Variants in WRAP53 observed in about 807,000 individuals in gnomAD.
WRAP53 encodes WD repeat containing antisense to TP53, also known as telomerase Cajal body protein 1.
Under a neutral mutation model 56.6 loss-of-function variants are expected in WRAP53, and 28 were observed. That is an observed-to-expected ratio of 0.50 (90% CI 0.37 to 0.68). The LOEUF is 0.68. Among genes scored for constraint, WRAP53 ranks in the 30% least tolerant of loss-of-function variants. The probability of loss-of-function intolerance (pLI) is 0.00; values close to 1 mark genes in which losing one functional copy is unlikely to be tolerated. For synonymous variants in WRAP53, 283 were observed against 283.4 expected (o/e 1.00, Z 0.01); for missense variants, 671 against 715.5 (o/e 0.94, Z 0.71).
In WRAP53 at chr17:7,703,035, C is replaced by T; in HGVS notation, c.1311C>T (p.Val437=). The T allele has an allele frequency of 1.2e-6, 2 of 1,614,080 alleles. No homozygotes were observed. The highest frequency in any genetic ancestry group is 1.7e-6 in the Non-Finnish European group (2 of 1,180,000). ...FLVSGSTSGA[V]SVWDTDGPGN... ...TGAGTGGCAGCACGAGCGGGGCTGT[C>T]TCTGTGTGGGACACGGACGGGCCTG... The change falls in exon 10 of 11, where the codon GTC becomes GTT. Residue 437 remains valine (V), a synonymous_variant. Transcript: ENST00000396463.
chr17:7,687,593 G>T, upstream of WRAP53: 2 of 398,850 alleles, frequency 5.0e-6, no homozygotes, highest in South Asian at 2.6e-4. Context: ...CAGTCGCCAT[G>T]ACAAGTAAGG....
rs1361029408 is a variant in WRAP53 at position 7,703,485 on chromosome 17, A to G, written c.1646A>G (p.Ter549=). 2.5e-6 allele frequency: 4 copies of G among 1,603,410 alleles called. No homozygotes were observed. Among genetic ancestry groups the G allele is most frequent in the Admixed American group, 1.7e-5 (1 of 59,534 alleles). Reference sequence around the variant, plus strand: ...GAGGGAGGTGTGGGTGAGCTGATATAAAAAGGTTTTTATGATACTAGAGTC... The same window carrying G: ...GAGGGAGGTGTGGGTGAGCTGATATGAAAAGGTTTTTATGATACTAGAGTC... ...GTEGGVGELI[*] The change falls in exon 11 of 11, where the codon TAA becomes TGA. Residue 549 remains the stop codon, a stop_retained_variant. Coordinates refer to ENST00000396463, the MANE Select transcript of WRAP53 (RefSeq NM_001143992.2).
chr17:7,701,386 T>C lies in WRAP53; in HGVS notation c.732-73T>C, dbSNP rs1567578924. The C allele has an allele frequency of 1.3e-6, 2 of 1,542,260 alleles. No homozygotes were observed. Among genetic ancestry groups the C allele is most frequent in the Non-Finnish European group, 1.8e-6 (2 of 1,114,834 alleles). On this transcript the variant is annotated intron_variant, in intron 5 of 10. Coordinates refer to ENST00000396463, the MANE Select transcript of WRAP53 (RefSeq NM_001143992.2). This position sits in a 1 kb window ranked among gnomAD's most constrained non-coding sequence, Gnocchi z 4.2. ...TCCCAAAGTGCTGGGATTACAGGCA[T>C]GAGCCACTGTGCCCGGCCATTCCTC...
In WRAP53 at chr17:7,702,006, T is replaced by C. The variant is rs1474212599; in HGVS notation, c.955+217T>C. 5 of 785,270 alleles carry C rather than the reference T, an allele frequency of 6.4e-6. No homozygotes were observed. Among genetic ancestry groups the C allele is most frequent in the Admixed American group, 4.0e-5 (2 of 50,030 alleles). 48.6% of individuals were successfully genotyped at this position (785,270 alleles called of 1,614,324 possible). A position where few individuals can be genotyped will look rare whatever the true frequency, so the allele number is the denominator to read the frequency against. ...GCTGGTCAAAGGACTGCTTCCTTCC[T>C]GAACTCATACCCTGTCAGCTGTGGA... On this transcript the variant is annotated intron_variant, in intron 7 of 10. Transcript: ENST00000396463. The surrounding 1 kb of genome is among the most constrained non-coding windows in gnomAD (Gnocchi z 5.0).
At chr17:7,690,031 C>T (rs943437356) in intron 4 of WRAP53, among the ~76,000 whole-genome samples, 1 of 151,408 alleles carries the variant, frequency 6.6e-6, no homozygotes, top group African/African-American at 2.4e-5. Flanking sequence ...TCACTGCAAC[C>T]TCTGCCTCCC....
chr17:7,694,779 G>T (rs909796203), intron 4 of WRAP53, among the ~76,000 whole-genome samples: 8 of 151,690 alleles, frequency 5.3e-5, no homozygotes, highest in African/African-American at 1.9e-4. Flanking sequence ...CATGACCTTT[G>T]ATTGCACCAT....
Position 7,698,345 on chromosome 17 carries a change from A to G in WRAP53, c.643-2396A>G, listed in dbSNP as rs181401361. ...TGAATATATTCATGAGTAGAGTACT[A>G]TACACCAGTGAAAATGCATGAATTA... On this transcript the variant is annotated intron_variant, in intron 4 of 10. Transcript: ENST00000396463. Among the ~76,000 whole-genome samples the G allele has an allele frequency of 2.1e-3, 313 of 152,332 alleles. 2 individuals carry two copies. Among genetic ancestry groups the G allele is most frequent in the African/African-American group, 7.1e-3 (294 of 41,568 alleles).
chr17:7,694,606 C>T (rs1251695009), intron 4 of WRAP53, among the ~76,000 whole-genome samples: 1 of 152,096 alleles, frequency 6.6e-6, no homozygotes, highest in Non-Finnish European at 1.5e-5. Flanking sequence ...AATCCCAGCA[C>T]TTTGGGAGAC....
chr17:7,686,499 C>T (rs928458227), upstream of WRAP53: 1 of 152,192 alleles, frequency 6.6e-6, no homozygotes, highest in African/African-American at 2.4e-5. Flanking sequence ...ATACCCCTGC[C>T]TTTGCAAAGG....
chr17:7,690,873 C>T (rs71371809), intron 4 of WRAP53, among the ~76,000 whole-genome samples: 8,305 of 152,114 alleles, frequency 0.055, 485 homozygotes, highest in East Asian at 0.17. Flanking sequence ...AATTGTACCA[C>T]TGCACTCCAG....
rs1434027155 is a variant in WRAP53, at chr17:7,701,910, G to A, written c.955+121G>A. 1 of 1,493,910 alleles carries A rather than the reference G, an allele frequency of 6.7e-7. No individual in the cohort carries two copies. The highest frequency in any genetic ancestry group is 9.0e-7 in the Non-Finnish European group (1 of 1,106,326). The allele number at this position is 1,493,910 out of a possible 1,614,324, so 92.5% of individuals were successfully genotyped here. On this transcript the variant is annotated intron_variant, in intron 7 of 10. Transcript: ENST00000396463. The surrounding 1 kb of genome is among the most constrained non-coding windows in gnomAD (Gnocchi z 4.2). Reference sequence around the variant, plus strand: ...CGCCGTCCTCTGTACGGCCCCGGGAGCAGGTGCAGCCCAGTCGGCAGAGGA... The same window carrying A: ...CGCCGTCCTCTGTACGGCCCCGGGAACAGGTGCAGCCCAGTCGGCAGAGGA...
In WRAP53 at chr17:7,702,491, G is replaced by A; in HGVS notation, c.1103G>A (p.Gly368Glu). 1 of 1,613,692 alleles carries A rather than the reference G, an allele frequency of 6.2e-7. No homozygotes were observed. Among genetic ancestry groups the A allele is most frequent in the Non-Finnish European group, 8.5e-7 (1 of 1,180,020 alleles). ...SPLALLGGHQ[G>E]GITHLCFHPD... Reference sequence around the variant, plus strand: ...CTCGCCTTGCTGGGAGGGCACCAAGGGGGCATCACCCACCTCTGCTTTCAT... The same window carrying A: ...CTCGCCTTGCTGGGAGGGCACCAAGAGGGCATCACCCACCTCTGCTTTCAT... The change falls in exon 8 of 11, where the codon GGG becomes GAG. Residue 368 changes from glycine to glutamate, a missense_variant. This residue lies in a region of WRAP53 where 158 missense variants were observed against 215.7 expected (regional missense o/e 0.73). Coordinates refer to ENST00000396463, the MANE Select transcript of WRAP53 (RefSeq NM_001143992.2). This position sits in a 1 kb window ranked among gnomAD's most constrained non-coding sequence, Gnocchi z 5.0.
upstream of WRAP53, chr17:7,688,391 T>A: frequency 1.8e-6 from 1 of 546,368 alleles, no homozygotes; most frequent in Non-Finnish European, 3.3e-6. Context: ...CGAAATCTGA[T>A]CCGGGATGCG....
Position 7,701,694 on chromosome 17 carries a change from CG to C in WRAP53, c.862del (p.Asp288MetfsTer44), listed in dbSNP as rs1567579459. Reference protein sequence around the residue: ...LTAAHSLCFSPDGSQLFCGFN... With the variant: ...LTAAHSLCFSXDGSQLFCGFN... Reference sequence around the variant, plus strand: ...GCAGCCCATTCGCTCTGCTTCTCCCCGGATGGCTCCCAGCTCTTCTGTGGCT... The same window carrying C: ...GCAGCCCATTCGCTCTGCTTCTCCCCGATGGCTCCCAGCTCTTCTGTGGCT... On this transcript the variant is annotated frameshift_variant, in exon 7 of 11. Coordinates refer to ENST00000396463, the MANE Select transcript of WRAP53 (RefSeq NM_001143992.2). LOFTEE classifies it high-confidence loss of function. The surrounding 1 kb of genome is among the most constrained non-coding windows in gnomAD (Gnocchi z 4.2). 1.2e-6 allele frequency: 2 copies of C among 1,614,230 alleles called. No homozygotes were observed. The highest frequency in any genetic ancestry group is 1.3e-5 in the African/African-American group (1 of 75,052).
chr17:7,693,550 C>T (rs957710392), intron 4 of WRAP53, among the ~76,000 whole-genome samples: 46 of 152,034 alleles, frequency 3.0e-4, no homozygotes, highest in African/African-American at 1.1e-3. Context: ...GAAACCCTGT[C>T]TTTACTAAAA....
rs191427704 is a variant in WRAP53 at position 7,699,822 on chromosome 17, T to C, written c.643-919T>C. 3.2e-3 allele frequency among the ~76,000 whole-genome samples: 486 copies of C among 151,432 alleles called. 2 individuals are homozygous for C. The highest frequency in any genetic ancestry group is 0.01 in the Middle Eastern group (3 of 292). ...TGATCTCAGCTCACTGTGGTCTCTA[T>C]CTCCTGGGCTCAAGCAATTCTCATG... On this transcript the variant is annotated intron_variant, in intron 4 of 10. Coordinates refer to ENST00000396463, the MANE Select transcript of WRAP53 (RefSeq NM_001143992.2).
upstream of WRAP53, chr17:7,686,254 C>T (rs2073962561): frequency 6.6e-6 from 1 of 152,124 alleles, no homozygotes; most frequent in African/African-American, 2.4e-5. Flanking sequence ...AATTATCAAA[C>T]GACCCATCAT....
chr17:7,701,714 T>C lies in WRAP53; in HGVS notation c.880T>C (p.Cys294Arg). ...CFSPDGSQLFCGFNRTVRVFS... is the reference protein window; with the variant it reads ...CFSPDGSQLFRGFNRTVRVFS... ...CTCCCCGGATGGCTCCCAGCTCTTCTGTGGCTTCAACCGGACTGTGCGTGT... is the reference window on the plus strand; with the variant it reads ...CTCCCCGGATGGCTCCCAGCTCTTCCGTGGCTTCAACCGGACTGTGCGTGT... The change falls in exon 7 of 11, where the codon TGT (cysteine) becomes CGT (arginine). Residue 294 changes from cysteine to arginine, a missense_variant. Physicochemically the swap from Cys to Arg is radical, Grantham distance 180. Transcript: ENST00000396463. This position sits in a 1 kb window ranked among gnomAD's most constrained non-coding sequence, Gnocchi z 4.2. 6.2e-7 allele frequency: 1 copy of C among 1,614,258 alleles called. No homozygotes were observed. The highest frequency in any genetic ancestry group is 1.1e-5 in the South Asian group (1 of 91,092).
chr17:7,686,186 T>C (rs556250319), upstream of WRAP53: 24 of 152,340 alleles, frequency 1.6e-4, no homozygotes, highest in African/African-American at 5.8e-4. Flanking sequence ...TCAGCCTGCG[T>C]CTGGAACTGG....
Sources: gnomAD v4.1 joint callset for allele counts (sites outside exome capture counted in the v4.1 genomes callset) on GRCh38, gnomAD v4.1.1 for gene constraint, gnomAD v4.1.1 regional missense constraint, Gnocchi (gnomAD v3.1) non-coding constraint, MANE v1.5 for transcripts, NCBI Gene and HGNC (gene_info 2026-07-23, HGNC 2026-07-21) for gene names.